PADI4: variants seen among roughly 807,000 people sequenced by gnomAD.
The protein encoded by PADI4 is peptidyl arginine deiminase 4.
In PADI4, 62 loss-of-function variants were observed where a neutral mutation model predicts 75.0. That is an observed-to-expected ratio of 0.83 (90% confidence interval 0.67 to 1.02). The LOEUF is 1.02. Among genes scored for constraint, PADI4 ranks in the 50% least tolerant of loss-of-function variants. The probability of loss-of-function intolerance (pLI) is 0.00; values close to 1 mark genes in which losing one functional copy is unlikely to be tolerated. For missense variants in PADI4, 845 were observed against 850.5 expected (o/e 0.99, Z 0.08); for synonymous variants, 361 against 348.1 (o/e 1.04, Z -0.41).
Position 17,308,210 on chromosome 1 carries a change from A to G in PADI4, c.-13A>G. The G allele has an allele frequency of 6.2e-7, 1 of 1,612,850 alleles. No individual in the cohort carries two copies. Among genetic ancestry groups the G allele is most frequent in the Non-Finnish European group, 8.5e-7 (1 of 1,179,018 alleles). On this transcript the variant is annotated 5_prime_UTR_variant, in exon 1 of 16. Coordinates refer to ENST00000375448, the MANE Select transcript of PADI4 (RefSeq NM_012387.3). ...GGGGCTTCCTACAGCCAGAGGGACG[A>G]GCTAGCCCGACGATGGCCCAGGGGA...
At chr1:17,349,747 A>C (rs1221469632) in intron 10 of PADI4, among the ~76,000 whole-genome samples, 1 of 118,560 alleles carries the variant, frequency 8.4e-6, no homozygotes, top group African/African-American at 2.7e-5. Context: ...ACAACAAAAA[A>C]CACCCAAATC....
chr1:17,320,793 C>G (rs911441090), intron 1 of PADI4, among the ~76,000 whole-genome samples: 3 of 152,200 alleles, frequency 2.0e-5, no homozygotes, highest in African/African-American at 7.2e-5. Flanking sequence ...GACCTCCTAT[C>G]TCATCCTGTG....
intron 10 of PADI4, among the ~76,000 whole-genome samples, chr1:17,351,611 A>G (rs1156905966): frequency 5.3e-5 from 2 of 37,490 alleles, no homozygotes; most frequent in Non-Finnish European, 1.5e-4. Context: ...CCTGGTCTCA[A>G]AAAAAAAAAA....
At chr1:17,325,431 A>G (rs4920594) in intron 1 of PADI4, among the ~76,000 whole-genome samples, 83,926 of 151,920 alleles carry the variant, frequency 0.55, 23,421 homozygotes, top group East Asian at 0.59. Context: ...TTTGTTTCCT[A>G]TTTATTGCTG....
At chr1:17,336,710 C>T (rs1570038214) in intron 4 of PADI4, among the ~76,000 whole-genome samples, 2 of 152,202 alleles carry the variant, frequency 1.3e-5, no homozygotes, top group South Asian at 4.1e-4. Context: ...CAGGTGAACG[C>T]TGTCTTAAAC....
chr1:17,344,548 G>A lies in PADI4; in HGVS notation c.936-1480G>A, dbSNP rs184188387. 1.2e-3 allele frequency among the ~76,000 whole-genome samples: 189 copies of A among 152,312 alleles called. 1 individual carries two copies. The highest frequency in any genetic ancestry group is 2.7e-3 in the Admixed American group (41 of 15,306). On this transcript the variant is annotated intron_variant, in intron 8 of 15. Transcript: ENST00000375448. ...AGGCCCAGAGGCCTAGGAGAAAATG[G>A]TTTCGTAGGCCAGGCCCAGGGTCCC...
At chr1:17,349,900 T>C (rs2074590856) in intron 10 of PADI4, among the ~76,000 whole-genome samples, 1 of 123,892 alleles carries the variant, frequency 8.1e-6, no homozygotes, top group African/African-American at 2.6e-5. Context: ...TTCTTCAAAC[T>C]TGCCTAACGT....
chr1:17,348,859 C>T (rs779515074), intron 10 of PADI4: 4 of 152,222 alleles, frequency 2.6e-5, no homozygotes, highest in Admixed American at 2.0e-4. Context: ...CGCTCTGAGT[C>T]CTGGCAGCCC....
At chr1:17,345,081 A>G (rs570193694) in intron 8 of PADI4, among the ~76,000 whole-genome samples, 69 of 152,362 alleles carry the variant, frequency 4.5e-4, no homozygotes, top group East Asian at 1.3e-3. Flanking sequence ...AGAGCTGCCT[A>G]AGACCATGGG....
intron 1 of PADI4, among the ~76,000 whole-genome samples, chr1:17,316,801 C>T (rs553321020): frequency 4.1e-4 from 63 of 152,258 alleles, no homozygotes; most frequent in African/African-American, 1.3e-3. Context: ...CCCTGCCCCG[C>T]GCCCAGCTTC....
chr1:17,313,784 C>T (rs1480786236), intron 1 of PADI4, among the ~76,000 whole-genome samples: 2 of 152,138 alleles, frequency 1.3e-5, no homozygotes, highest in South Asian at 2.1e-4. Flanking sequence ...GGGGCTCAAG[C>T]TCCCAGTGCT....
chr1:17,352,894 G>A (rs1294001908), intron 10 of PADI4, among the ~76,000 whole-genome samples: 1 of 152,222 alleles, frequency 6.6e-6, no homozygotes, highest in Non-Finnish European at 1.5e-5. Context: ...AATTCCATGA[G>A]ACTTGGCAGG....
rs772896628 is a variant in PADI4, at chr1:17,330,986, G to A, written c.110G>A (p.Cys37Tyr). The A allele has an allele frequency of 6.3e-7, 1 of 1,588,678 alleles. No homozygotes were observed. Among genetic ancestry groups the A allele is most frequent in the Non-Finnish European group, 8.5e-7 (1 of 1,169,978 alleles). ...GTCCACAGCTCTGCCCCTGAGGACT[G>A]CACGTCCTTCAGCATCAACGCCTCC... Reference protein sequence around the residue: ...LDICSSAPEDCTSFSINASPG... With the variant: ...LDICSSAPEDYTSFSINASPG... Residue 37 changes from cysteine to tyrosine, a missense_variant, in exon 2 of 16, where the codon TGC becomes TAC. Physicochemically the swap from Cys to Tyr is radical, Grantham distance 194. Coordinates refer to ENST00000375448, the MANE Select transcript of PADI4 (RefSeq NM_012387.3).
intron 2 of PADI4, among the ~76,000 whole-genome samples, chr1:17,332,571 T>C (rs941132212): frequency 6.6e-6 from 1 of 152,192 alleles, no homozygotes; most frequent in Non-Finnish European, 1.5e-5. Context: ...AACTTAGATC[T>C]GCAAAGACTT....
In PADI4 at chr1:17,346,439, C is replaced by G. The variant is rs1190599254; in HGVS notation, c.1047+300C>G. ...CTCAGGAGATTGGTGCTCAACCAGC[C>G]CCTCAAGTGGTCCTCCCTCCAGGCT... is the stretch of plus-strand genomic sequence containing the variant. On this transcript the variant is annotated intron_variant, in intron 9 of 15. Coordinates refer to ENST00000375448, the MANE Select transcript of PADI4 (RefSeq NM_012387.3). This position sits in a 1 kb window ranked among gnomAD's most constrained non-coding sequence, Gnocchi z 4.3. Among the ~76,000 whole-genome samples the G allele has an allele frequency of 6.6e-6, 1 of 152,158 alleles. No individual in the cohort carries two copies. The highest frequency in any genetic ancestry group is 2.4e-5 in the African/African-American group (1 of 41,438).
intron 1 of PADI4, among the ~76,000 whole-genome samples, chr1:17,311,597 T>C (rs1226595502): frequency 1.3e-5 from 2 of 151,536 alleles, no homozygotes; most frequent in Non-Finnish European, 2.9e-5. Flanking sequence ...AGATCTTGGC[T>C]CACCGCAAGC....
In PADI4 at chr1:17,343,691, A is replaced by T. The variant is rs2074463559; in HGVS notation, c.935+1289A>T. The stretch of plus-strand genomic sequence containing the variant: ...CATACCATTCTCATGGTAGTGAATA[A>T]GTCTCATGAGATCTGATGGTTTTAT... On this transcript the variant is annotated intron_variant, in intron 8 of 15. Transcript: ENST00000375448. Among the ~76,000 whole-genome samples, 3 of 152,148 alleles carry T rather than the reference A, an allele frequency of 2.0e-5. No individual in the cohort carries two copies. In the South Asian group the frequency reaches 6.2e-4, roughly 32 times the overall value.
chr1:17,327,464 A>G (rs1220375372), intron 1 of PADI4, among the ~76,000 whole-genome samples: 1 of 151,898 alleles, frequency 6.6e-6, no homozygotes, highest in Non-Finnish European at 1.5e-5. Context: ...TATAATCAGT[A>G]TATTACTGGA....
chr1:17,327,966 T>G (rs1169813400), intron 1 of PADI4, among the ~76,000 whole-genome samples: 1 of 152,172 alleles, frequency 6.6e-6, no homozygotes, highest in Non-Finnish European at 1.5e-5. Context: ...ATTTTTTCCA[T>G]GTGTAGAAAT....
Sources: gnomAD v4.1 joint callset for allele counts (sites outside exome capture counted in the v4.1 genomes callset) on GRCh38, gnomAD v4.1.1 for gene constraint, Gnocchi (gnomAD v3.1) non-coding constraint, MANE v1.5 for transcripts, NCBI Gene and HGNC (gene_info 2026-07-23, HGNC 2026-07-21) for gene names.